The following PTPRO variants were observed in gnomAD, a reference collection of about 807,000 sequenced individuals.
The protein encoded by PTPRO is protein tyrosine phosphatase receptor type O.
PTPRO carries 62 observed loss-of-function variants against 145.2 expected under a neutral mutation model. The ratio of observed to expected loss-of-function variants is 0.43; its 90% CI spans 0.35 to 0.53. PTPRO has a LOEUF of 0.53. Among genes scored for constraint, PTPRO ranks in the 20% least tolerant of loss-of-function variants. PTPRO has a pLI of 0.01. For missense variants in PTPRO, 1,345 were observed against 1,482.7 expected, an observed-to-expected ratio of 0.91 and a Z score of 1.53; for synonymous variants, 565 against 514.7, an observed-to-expected ratio of 1.10 and a Z score of -1.32.
intron 1 of PTPRO, among the ~76,000 whole-genome samples, chr12:15,407,947 G>A (rs1006161944): frequency 6.6e-6 from 1 of 152,164 alleles, no homozygotes; most frequent in Admixed American, 6.5e-5. Context: ...GATGGGATGG[G>A]ATGAGGGATT....
intron 1 of PTPRO, among the ~76,000 whole-genome samples, chr12:15,359,661 C>T (rs746592699): frequency 6.6e-6 from 1 of 152,032 alleles, no homozygotes. Flanking sequence ...GTGTGCGGAT[C>T]AAGTGATCCA....
At chr12:15,548,542 G>T (rs1943363322) in intron 13 of PTPRO, among the ~76,000 whole-genome samples, 1 of 151,856 alleles carries the variant, frequency 6.6e-6, no homozygotes, top group South Asian at 2.1e-4. Flanking sequence ...GTGTGTGTGT[G>T]TGTGTGTGTG....
chr12:15,560,350 GTTTC>G, intron 17 of PTPRO, 74 bp downstream of exon 17: 1 of 1,192,098 alleles, frequency 8.4e-7, no homozygotes, highest in Non-Finnish European at 1.2e-6. Context: ...AAAAAGGAAA[GTTTC>G]TTTTTAACTA....
intron 1 of PTPRO, among the ~76,000 whole-genome samples, chr12:15,470,912 C>A (rs1477607866): frequency 1.3e-4 from 20 of 152,100 alleles, no homozygotes; most frequent in Admixed American, 1.2e-3. Context: ...CTTTGGCTAG[C>A]AGGGGTTTAT....
chr12:15,475,161 AT>A (rs1390569554), intron 1 of PTPRO, among the ~76,000 whole-genome samples: 1 of 152,216 alleles, frequency 6.6e-6, no homozygotes, highest in African/African-American at 2.4e-5. Context: ...AATTGAGTCT[AT>A]TTACTCTTCT....
intron 1 of PTPRO, among the ~76,000 whole-genome samples, chr12:15,455,451 T>G (rs1283431738): frequency 6.6e-6 from 1 of 152,188 alleles, no homozygotes; most frequent in Non-Finnish European, 1.5e-5. Context: ...TAAGGACATT[T>G]GAACAATATT....
intron 1 of PTPRO, among the ~76,000 whole-genome samples, chr12:15,416,207 T>C (rs1182012499): frequency 2.6e-5 from 4 of 151,716 alleles, no homozygotes; most frequent in Admixed American, 6.6e-5. Context: ...CCCAATACTA[T>C]GCCCTTGTCG....
chr12:15,431,197 T>G (rs969915912), intron 1 of PTPRO, among the ~76,000 whole-genome samples: 1 of 152,170 alleles, frequency 6.6e-6, no homozygotes, highest in East Asian at 1.9e-4. Flanking sequence ...CACCACCATG[T>G]TAGATTCTAA....
chr12:15,478,040 G>A (rs1941696562), intron 1 of PTPRO, among the ~76,000 whole-genome samples: 2 of 152,162 alleles, frequency 1.3e-5, no homozygotes, highest in South Asian at 4.1e-4. Flanking sequence ...TGATGGCCAA[G>A]AAAATTGTTC....
In PTPRO at chr12:15,527,304, C is replaced by G. The variant is rs1476152022; in HGVS notation, c.2164+1042C>G. Among the ~76,000 whole-genome samples, 6 of 152,218 alleles carry G rather than the reference C, an allele frequency of 3.9e-5. No individual in the cohort carries two copies. The East Asian group carries it at 1.2e-3, about 29-fold the overall frequency. ...TGGCAACAAGTGTGCAGAAAATCTTCTGCCAACTCATGTTTCTACACTGGA... is the reference window on the plus strand; with the variant it reads ...TGGCAACAAGTGTGCAGAAAATCTTGTGCCAACTCATGTTTCTACACTGGA... On this transcript the variant is annotated intron_variant, in intron 12 of 26. Transcript: ENST00000281171.
chr12:15,566,284 C>G (rs985914134), intron 18 of PTPRO, among the ~76,000 whole-genome samples: 15 of 152,012 alleles, frequency 9.9e-5, no homozygotes, highest in Admixed American at 3.9e-4. Context: ...TTCTTGATAC[C>G]TGCCTGGATA....
intron 1 of PTPRO, among the ~76,000 whole-genome samples, chr12:15,413,481 T>A (rs1386086381): frequency 6.6e-6 from 1 of 152,182 alleles, no homozygotes; most frequent in African/African-American, 2.4e-5. Flanking sequence ...CATAGATTTT[T>A]AAATCACACT....
At chr12:15,528,432 G>A (rs578194673) in intron 12 of PTPRO, among the ~76,000 whole-genome samples, 2 of 151,206 alleles carry the variant, frequency 1.3e-5, no homozygotes, top group East Asian at 3.9e-4. Context: ...GGCTGAGGCA[G>A]GAGAATGATG....
At chr12:15,498,076 G>A (rs1368328866) in intron 3 of PTPRO, among the ~76,000 whole-genome samples, 2 of 151,914 alleles carry the variant, frequency 1.3e-5, no homozygotes, top group Admixed American at 6.6e-5. Flanking sequence ...AGGGCACATC[G>A]GGTGGGGGTG....
rs36062333 is a variant in PTPRO, at chr12:15,400,051, C to CAA, written c.75+77268_75+77269dup. On this transcript the variant is annotated intron_variant, in intron 1 of 26. Coordinates refer to ENST00000281171, the MANE Select transcript of PTPRO (RefSeq NM_030667.3). Reference sequence around the variant, plus strand: ...GGGTGACAGAGCAAGACTCTTGTCTCAAAAAAAAAAAAAAAAAAAGAGCCA... The same window carrying CAA: ...GGGTGACAGAGCAAGACTCTTGTCTCAAAAAAAAAAAAAAAAAAAAAGAGCCA... Among the ~76,000 whole-genome samples, 5 of 54,050 alleles carry CAA rather than the reference C, an allele frequency of 9.3e-5. No homozygotes were observed. In the South Asian group the frequency reaches 2.2e-3, roughly 23 times the overall value. 35.5% of individuals were successfully genotyped at this position (54,050 alleles called of 152,430 possible).
rs188572274 is a variant in PTPRO at position 15,425,858 on chromosome 12, T to G, written c.76-58116T>G. ...TTGAAATTGATGTTTAAGTGTTCCC[T>G]TTTTAAAATATACTTGTCACTGTTC... On this transcript the variant is annotated intron_variant, in intron 1 of 26. Coordinates refer to ENST00000281171, the MANE Select transcript of PTPRO (RefSeq NM_030667.3). 1.7e-3 allele frequency among the ~76,000 whole-genome samples: 264 copies of G among 152,198 alleles called. 1 individual carries two copies. Among genetic ancestry groups the G allele is most frequent in the African/African-American group, 6.1e-3 (252 of 41,566 alleles).
At chr12:15,367,732 C>G (rs966058506) in intron 1 of PTPRO, among the ~76,000 whole-genome samples, 1 of 152,134 alleles carries the variant, frequency 6.6e-6, no homozygotes, top group Non-Finnish European at 1.5e-5. Context: ...TTGATCAGGT[C>G]AAAAAGTGTG....
At chr12:15,404,627 G>A (rs1039758922) in intron 1 of PTPRO, among the ~76,000 whole-genome samples, 13 of 152,176 alleles carry the variant, frequency 8.5e-5, no homozygotes, top group African/African-American at 2.9e-4. Flanking sequence ...TGTTTTTCCA[G>A]TGGAAGTTAT....
At chr12:15,392,320 C>G (rs529870555) in intron 1 of PTPRO, among the ~76,000 whole-genome samples, 1 of 152,184 alleles carries the variant, frequency 6.6e-6, no homozygotes, top group African/African-American at 2.4e-5. Flanking sequence ...TATAATCAAC[C>G]TGCCACCAAC....
Sources: allele counts gnomAD v4.1 joint callset (sites outside exome capture counted in the v4.1 genomes callset), GRCh38; gene constraint gnomAD v4.1.1; transcripts MANE v1.5; gene names NCBI Gene and HGNC (gene_info 2026-07-23, HGNC 2026-07-21).